The following KDM5B variants were observed in gnomAD, a reference collection of about 807,000 sequenced individuals.
KDM5B encodes the protein lysine demethylase 5B.
In KDM5B, 144 loss-of-function variants were observed where a neutral mutation model predicts 193.4. The observed-to-expected ratio is 0.74, with a 90% CI of 0.65 to 0.86. The LOEUF (loss-of-function observed/expected upper bound fraction) is 0.86. Among genes scored for constraint, KDM5B ranks in the 40% least tolerant of loss-of-function variants. KDM5B has a pLI of 0.00. For missense variants in KDM5B, 1,833 were observed against 1,886.9 expected (o/e 0.97, Z 0.53); for synonymous variants, 668 against 682.6 (o/e 0.98, Z 0.33).
At chr1:202,744,670 G>A (rs1437248399) in intron 16 of KDM5B, among the ~76,000 whole-genome samples, 1 of 152,216 alleles carries the variant, frequency 6.6e-6, no homozygotes, top group Non-Finnish European at 1.5e-5. Flanking sequence ...AGGTTGTGGA[G>A]AAAAGGGAAC....
chr1:202,746,002 A>C lies in KDM5B; in HGVS notation c.2199-20T>G. ...CTATACCTGGAAATAATACCACCAC[A>C]CTTAGCTTTGAGACGTGTAGCTTTG... On this transcript the variant is annotated intron_variant, in intron 15 of 26. Coordinates refer to ENST00000367265, the MANE Select transcript of KDM5B (RefSeq NM_006618.5). 6.2e-7 allele frequency: 1 copy of C among 1,613,634 alleles called. No homozygotes were observed.
intron 1 of KDM5B, among the ~76,000 whole-genome samples, chr1:202,791,782 G>C (rs1285661841): frequency 2.0e-5 from 3 of 152,078 alleles, no homozygotes; most frequent in Admixed American, 6.6e-5. Flanking sequence ...GCAGTGGCGC[G>C]ATCTCGGCTC....
rs561237645 is a variant in KDM5B at position 202,766,933 on chromosome 1, C to G, written c.704G>C (p.Arg235Thr). Residue 235 changes from arginine to threonine, a missense_variant, in exon 5 of 27, where the codon AGA becomes ACA. By Grantham distance (71) the Arg-to-Thr change is moderately conservative (BLOSUM62 -1). Around this residue, in one of 3 missense-constraint regions of KDM5B, gnomAD observed 355 missense variants for 374.9 expected, o/e 0.95. Transcript: ENST00000367265. Reference sequence around the variant, plus strand: ...ACCTCATGAGGCTCTTACCTCTGCTCTCATGCGTTTTGCTCGTCGGGCTGG... The same window carrying G: ...ACCTCATGAGGCTCTTACCTCTGCTGTCATGCGTTTTGCTCGTCGGGCTGG... ...CPPARRAKRMRAEAMNIKIEP... is the reference protein window; with the variant it reads ...CPPARRAKRMTAEAMNIKIEP... The G allele has an allele frequency of 6.3e-7, 1 of 1,579,478 alleles. No individual in the cohort carries two copies. The highest frequency in any genetic ancestry group is 1.4e-5 in the African/African-American group (1 of 72,386).
intron 6 of KDM5B, 139 bp from the exon 7 acceptor site, chr1:202,762,947 C>T (rs1656312506): frequency 1.7e-6 from 1 of 601,842 alleles, no homozygotes; most frequent in Non-Finnish European, 3.0e-6. Context: ...ACCCAGTATA[C>T]TTTATTCAAG....
chr1:202,755,459 A>T lies in KDM5B; in HGVS notation c.1357-7T>A. 1 of 1,606,328 alleles carries T rather than the reference A, an allele frequency of 6.2e-7. No homozygotes were observed. The highest frequency in any genetic ancestry group is 1.3e-5 in the African/African-American group (1 of 74,850). On this transcript the variant is annotated splice_region_variant and splice_polypyrimidine_tract_variant and intron_variant, in intron 10 of 26. Transcript: ENST00000367265. ...AGCCACTATCAAGATACTCCTAAAAATAAGAAGACAAAAGAGGATAAAGGT... is the reference window on the plus strand; with the variant it reads ...AGCCACTATCAAGATACTCCTAAAATTAAGAAGACAAAAGAGGATAAAGGT...
intron 4 of KDM5B, among the ~76,000 whole-genome samples, chr1:202,769,590 A>G (rs1656624573): frequency 6.8e-6 from 1 of 146,138 alleles, no homozygotes; most frequent in East Asian, 2.1e-4. Context: ...AATCGCTTGA[A>G]CCAGGGTGGC....
chr1:202,752,310 C>T (rs368224152), intron 12 of KDM5B, among the ~76,000 whole-genome samples: 16 of 152,282 alleles, frequency 1.1e-4, no homozygotes, highest in African/African-American at 3.8e-4. Context: ...TTTAAATACA[C>T]AAATCCTTAC....
At position 202,741,581 on chromosome 1, in the gene KDM5B, G is replaced by C. The variant is rs762275440; in HGVS notation, c.2731C>G (p.Arg911Gly). ...DVELPQLAEMRIRLEQARWLE... is the reference protein window; with the variant it reads ...DVELPQLAEMGIRLEQARWLE... Reference sequence around the variant, plus strand: ...CAACGGGCTTGTTCCAAACGGATACGCATCTCAGCAAGCTGTGGAAGTTCA... The same window carrying C: ...CAACGGGCTTGTTCCAAACGGATACCCATCTCAGCAAGCTGTGGAAGTTCA... Residue 911 changes from arginine (R) to glycine (G), a missense_variant, in exon 19 of 27, where the codon CGT becomes GGT. Arg to Gly is a moderately radical substitution (Grantham distance 125, BLOSUM62 -2). Transcript: ENST00000367265. 2 of 1,614,224 alleles carry C rather than the reference G, an allele frequency of 1.2e-6. No homozygotes were observed. Among genetic ancestry groups the C allele is most frequent in the South Asian group, 1.1e-5 (1 of 91,090 alleles).
Position 202,758,504 on chromosome 1 carries a change from T to A in KDM5B, c.1084A>T (p.Ser362Cys). The A allele has an allele frequency of 6.2e-7, 1 of 1,607,902 alleles. No homozygotes were observed. The highest frequency in any genetic ancestry group is 8.5e-7 in the Non-Finnish European group (1 of 1,175,292). The change falls in exon 9 of 27, where the codon AGT becomes TGT. Residue 362 changes from serine to cysteine, a missense_variant. Ser to Cys is a moderately radical substitution (Grantham distance 112). Coordinates refer to ENST00000367265, the MANE Select transcript of KDM5B (RefSeq NM_006618.5). Reference protein sequence around the residue: ...RCPKCLAQECSKPQEAFGFEQ... With the variant: ...RCPKCLAQECCKPQEAFGFEQ... The stretch of plus-strand genomic sequence containing the variant: ...AAGCCAAATGCTTCTTGTGGCTTAC[T>A]ACATTCCTGAAAATAAAGAAAATTA...
At chr1:202,751,110 C>G (rs1572724954) in intron 12 of KDM5B, among the ~76,000 whole-genome samples, 1 of 152,144 alleles carries the variant, frequency 6.6e-6, no homozygotes, top group East Asian at 1.9e-4. Context: ...CATCTTCTAC[C>G]ACCAATTAAA....
Position 202,764,142 on chromosome 1 carries a change from TG to T in KDM5B, c.714del (p.Met239Ter). On this transcript the variant is annotated frameshift_variant and splice_region_variant, in exon 6 of 27. Transcript: ENST00000367265. LOFTEE classifies it high-confidence loss of function. ...ARRAKRMRAEAMNIKIEPEET... is the reference protein window; with the variant it reads ...ARRAKRMRAEXMNIKIEPEET... ...TCCTCGGGTTCTATTTTAATATTCATGGCCTTAAAAAAATTGTCATATACAT... is the reference window on the plus strand; with the variant it reads ...TCCTCGGGTTCTATTTTAATATTCATGCCTTAAAAAAATTGTCATATACAT... The T allele has an allele frequency of 6.6e-7, 1 of 1,505,192 alleles. No individual in the cohort carries two copies. The highest frequency in any genetic ancestry group is 9.0e-7 in the Non-Finnish European group (1 of 1,113,880). The allele number at this position is 1,505,192 out of a possible 1,614,324, so 93.2% of individuals were successfully genotyped here.
In KDM5B at chr1:202,736,149, G is replaced by C; in HGVS notation, c.3264+64C>G. On this transcript the variant is annotated intron_variant, in intron 21 of 26. Coordinates refer to ENST00000367265, the MANE Select transcript of KDM5B (RefSeq NM_006618.5). Reference sequence around the variant, plus strand: ...CTGTGATGTCATCTTTGTATGTGATGAACTGCATGTTTTACCAAACTAGGA... The same window carrying C: ...CTGTGATGTCATCTTTGTATGTGATCAACTGCATGTTTTACCAAACTAGGA... 2.6e-6 allele frequency: 3 copies of C among 1,172,076 alleles called. No individual in the cohort carries two copies. The Admixed American group carries it at 7.6e-5, about 30-fold the overall frequency. The allele number at this position is 1,172,076 out of a possible 1,614,324, so 72.6% of individuals were successfully genotyped here.
At chr1:202,769,013 C>T (rs1026684738) in intron 4 of KDM5B, among the ~76,000 whole-genome samples, 4 of 150,930 alleles carry the variant, frequency 2.7e-5, no homozygotes, top group African/African-American at 9.7e-5. Flanking sequence ...TGCACCCGGC[C>T]TACGGCCTAT....
At position 202,731,917 on chromosome 1, in the gene KDM5B, G is replaced by A; in HGVS notation, c.3932C>T (p.Thr1311Ile). Reference protein sequence around the residue: ...TNKVSQPPGTTSFSLPDDWDN... With the variant: ...TNKVSQPPGTISFSLPDDWDN... ...CCAGTCATCAGGCAAAGAAAATGATGTTGTGCCAGGAGGTTGAGATACCTA... is the reference window on the plus strand; with the variant it reads ...CCAGTCATCAGGCAAAGAAAATGATATTGTGCCAGGAGGTTGAGATACCTA... Residue 1311 changes from threonine (T) to isoleucine (I), a missense_variant, in exon 24 of 27, where the codon ACA (threonine) becomes ATA (isoleucine). By Grantham distance (89) the Thr-to-Ile change is moderately conservative. This residue lies in a region of KDM5B where 1,379 missense variants were observed against 1,349.6 expected (regional missense o/e 1.02). Coordinates refer to ENST00000367265, the MANE Select transcript of KDM5B (RefSeq NM_006618.5). 1 of 1,612,786 alleles carries A rather than the reference G, an allele frequency of 6.2e-7. No homozygotes were observed. The highest frequency in any genetic ancestry group is 8.5e-7 in the Non-Finnish European group (1 of 1,179,440).
intron 4 of KDM5B, among the ~76,000 whole-genome samples, chr1:202,770,276 A>G (rs1656657829): frequency 6.6e-6 from 1 of 152,204 alleles, no homozygotes; most frequent in Admixed American, 6.5e-5. Flanking sequence ...CATCATCCCA[A>G]AGACAGAGCA....
chr1:202,742,523 C>T lies in KDM5B; in HGVS notation c.2475-18G>A. 2 of 1,609,932 alleles carry T rather than the reference C, an allele frequency of 1.2e-6. No homozygotes were observed. Among genetic ancestry groups the T allele is most frequent in the South Asian group, 1.1e-5 (1 of 90,944 alleles). On this transcript the variant is annotated intron_variant, in intron 17 of 26. Coordinates refer to ENST00000367265, the MANE Select transcript of KDM5B (RefSeq NM_006618.5). ...ATCGATATCTGTAAAGACAAAGGCC[C>T]AAGGAAGCCATATAAGAATACATAC...
intron 8 of KDM5B, among the ~76,000 whole-genome samples, chr1:202,759,451 G>A (rs530359247): frequency 1.3e-5 from 2 of 151,858 alleles, no homozygotes; most frequent in African/African-American, 2.4e-5. Context: ...TGAGACGGGA[G>A]GATCACTTGA....
chr1:202,749,716 C>T (rs1655718198), intron 13 of KDM5B, among the ~76,000 whole-genome samples: 1 of 150,082 alleles, frequency 6.7e-6, no homozygotes, highest in Admixed American at 6.6e-5. Flanking sequence ...TGAGTATCTA[C>T]AACAATGTAG....
At chr1:202,729,578 G>T in intron 26 of KDM5B, 129 bp downstream of exon 26, 1 of 748,438 alleles carries the variant, frequency 1.3e-6, no homozygotes, top group Non-Finnish European at 2.1e-6. Context: ...TGGGGGAAGG[G>T]CTGAGCAATC....
Sources: allele counts gnomAD v4.1 joint callset (sites outside exome capture counted in the v4.1 genomes callset), GRCh38; gene constraint gnomAD v4.1.1; regional missense constraint gnomAD v4.1.1; transcripts MANE v1.5; gene names NCBI Gene and HGNC (gene_info 2026-07-23, HGNC 2026-07-21).